TTC7B: variants seen among roughly 807,000 people sequenced by gnomAD.
TTC7B encodes tetratricopeptide repeat domain 7B.
A neutral mutation model predicts 106.8 loss-of-function variants in TTC7B; 28 were observed. The ratio of observed to expected loss-of-function variants is 0.26; its 90% confidence interval spans 0.19 to 0.36. The LOEUF is 0.36. Among genes scored for constraint, TTC7B ranks in the 10% least tolerant of loss-of-function variants. TTC7B has a pLI of 1.00. For synonymous variants in TTC7B, 405 were observed against 430.6 expected, an observed-to-expected ratio of 0.94 and a Z score of 0.74; for missense variants, 862 against 1,076.4, an observed-to-expected ratio of 0.80 and a Z score of 2.79.
At chr14:90,711,403 A>G (rs1037078467) in intron 5 of TTC7B, among the ~76,000 whole-genome samples, 2 of 152,192 alleles carry the variant, frequency 1.3e-5, no homozygotes, top group African/African-American at 4.8e-5. Context: ...AAAGATATAT[A>G]TTATAATCCA....
At chr14:90,682,645 C>CAGGTG (rs1887099693) in intron 7 of TTC7B, among the ~76,000 whole-genome samples, 1 of 152,148 alleles carries the variant, frequency 6.6e-6, no homozygotes, top group African/African-American at 2.4e-5. Flanking sequence ...CTGGGGTACC[C>CAGGTG]AGGCCTCAGC....
chr14:90,646,342 G>A (rs774530193), intron 14 of TTC7B, among the ~76,000 whole-genome samples: 4 of 152,204 alleles, frequency 2.6e-5, no homozygotes, highest in Non-Finnish European at 4.4e-5. Flanking sequence ...GGAGGGTTTC[G>A]GGAATGGCAG....
chr14:90,802,453 C>G lies in TTC7B; in HGVS notation c.121+13722G>C, dbSNP rs1373980838. Among the ~76,000 whole-genome samples the G allele has an allele frequency of 7.7e-6, 1 of 129,774 alleles. No individual in the cohort carries two copies. Among genetic ancestry groups the G allele is most frequent in the Non-Finnish European group, 1.7e-5 (1 of 59,302 alleles). The allele number at this position is 129,774 out of a possible 152,430, so 85.1% of individuals were successfully genotyped here. The stretch of plus-strand genomic sequence containing the variant: ...CGCTGGCCTCTGAAGGGAGTGAGGG[C>G]TCCAAGCAGTGACAGAGGGCGCCAG... On this transcript the variant is annotated intron_variant, in intron 1 of 19. Coordinates refer to ENST00000328459, the MANE Select transcript of TTC7B (RefSeq NM_001010854.2). This position sits in a 1 kb window ranked among gnomAD's most constrained non-coding sequence, Gnocchi z 4.7.
Position 90,652,954 on chromosome 14 carries a change from T to C in TTC7B, c.1460-56A>G. The C allele has an allele frequency of 1.0e-5, 16 of 1,574,404 alleles. No homozygotes were observed. The South Asian group carries it at 1.1e-4, about 11-fold the overall frequency. ...TGGGGGATCAGGGAATTTTGACAAA[T>C]ACAAAACCCATCACAAAACCTGTAC... On this transcript the variant is annotated intron_variant, in intron 12 of 19. Transcript: ENST00000328459.
At position 90,600,291 on chromosome 14, in the gene TTC7B, A is replaced by G. The variant is rs1213162180; in HGVS notation, c.1967-6665T>C. ...TCCTGCTTTCTGAGGAGGCGACTCC[A>G]GGTGGTGGCTCCTTGCACCGCGCTG... On this transcript the variant is annotated intron_variant, in intron 17 of 19. Transcript: ENST00000328459. The surrounding 1 kb of genome is among the most constrained non-coding windows in gnomAD (Gnocchi z 4.3). Among the ~76,000 whole-genome samples, 1 of 152,154 alleles carries G rather than the reference A, an allele frequency of 6.6e-6. No homozygotes were observed. The highest frequency in any genetic ancestry group is 6.5e-5 in the Admixed American group (1 of 15,272).
In TTC7B at chr14:90,531,059, T is replaced by C. The variant is rs1157388362; in HGVS notation, c.*10309A>G. On this transcript the variant is annotated 3_prime_UTR_variant, in exon 20 of 20. Transcript: ENST00000328459. ...TAAAATGATATAATTTTAATATTAA[T>C]AGCTGAAAATGTAAAGAGTTTTGTA... 1 of 152,194 alleles carries C rather than the reference T, an allele frequency of 6.6e-6. No individual in the cohort carries two copies. The highest frequency in any genetic ancestry group is 1.9e-4 in the East Asian group (1 of 5,206). 9.4% of individuals were successfully genotyped at this position (152,194 alleles called of 1,614,324 possible).
At chr14:90,601,169 G>T (rs1295173211) in intron 17 of TTC7B, among the ~76,000 whole-genome samples, 1 of 152,092 alleles carries the variant, frequency 6.6e-6, no homozygotes, top group African/African-American at 2.4e-5. Context: ...AGCAAAAAAA[G>T]GTTCTATATT....
intron 1 of TTC7B, among the ~76,000 whole-genome samples, chr14:90,794,299 T>A (rs1448083538): frequency 1.4e-5 from 2 of 145,996 alleles, no homozygotes; most frequent in African/African-American, 5.2e-5. Flanking sequence ...CAATCTCGGC[T>A]CACTGCAACC....
At chr14:90,554,937 T>C (rs1240055626) in intron 19 of TTC7B, among the ~76,000 whole-genome samples, 1 of 152,126 alleles carries the variant, frequency 6.6e-6, no homozygotes, top group African/African-American at 2.4e-5. Flanking sequence ...CACATCTGAA[T>C]GATGTGGCGC....
chr14:90,679,806 A>T (rs56391264), intron 8 of TTC7B, among the ~76,000 whole-genome samples: 4,105 of 152,318 alleles, frequency 0.027, 188 homozygotes, highest in African/African-American at 0.091. Context: ...AACCCAATAA[A>T]TGATGAGTGG....
Position 90,644,185 on chromosome 14 carries a change from G to C in TTC7B, c.1614C>G (p.Val538=), listed in dbSNP as rs754292263. Residue 538 remains valine, a synonymous_variant, in exon 15 of 20, where the codon GTC becomes GTG. Coordinates refer to ENST00000328459, the MANE Select transcript of TTC7B (RefSeq NM_001010854.2). ...SRQIPEALGY[V]RQALQLQGDD... is the part of the protein sequence containing the mutation. Reference sequence around the variant, plus strand: ...CACCTTGAAGCTGAAGAGCTTGGCGGACATACCCCAGAGCCTCTGGGATCT... The same window carrying C: ...CACCTTGAAGCTGAAGAGCTTGGCGCACATACCCCAGAGCCTCTGGGATCT... The C allele has an allele frequency of 3.1e-6, 5 of 1,608,080 alleles. No individual in the cohort carries two copies. In the South Asian group the frequency reaches 5.5e-5, roughly 18 times the overall value.
chr14:90,581,904 G>C (rs1286481), intron 18 of TTC7B, among the ~76,000 whole-genome samples: 47,305 of 151,968 alleles, frequency 0.31, 8,809 homozygotes, highest in African/African-American at 0.53. Flanking sequence ...CAGACGGAAC[G>C]AAGTCAGGAT....
rs201597358 is a variant in TTC7B, at chr14:90,643,715, TG to T, written c.1751+332del. On this transcript the variant is annotated intron_variant, in intron 15 of 19. Coordinates refer to ENST00000328459, the MANE Select transcript of TTC7B (RefSeq NM_001010854.2). ...CTCCTCCCTCAGCCTCCCGAGGAGC[TG>T]GGATTACAGGCGCCCGCCACCACAC... 7.3e-4 allele frequency among the ~76,000 whole-genome samples: 111 copies of T among 152,126 alleles called. No homozygotes were observed. In the East Asian group the frequency reaches 0.017, roughly 23 times the overall value.
chr14:90,564,660 C>T (rs1376237583), intron 19 of TTC7B, among the ~76,000 whole-genome samples: 1 of 152,178 alleles, frequency 6.6e-6, no homozygotes, highest in Non-Finnish European at 1.5e-5. Flanking sequence ...GTAATTTCAA[C>T]ACTTTTGAGA....
At chr14:90,573,491 T>G (rs1278045737) in intron 19 of TTC7B, among the ~76,000 whole-genome samples, 5 of 120,752 alleles carry the variant, frequency 4.1e-5, no homozygotes, top group Admixed American at 8.1e-5. Context: ...CGCCTCACGG[T>G]CCCTCTCAGC....
intron 14 of TTC7B, chr14:90,644,818 T>A (rs1885363018): frequency 6.6e-6 from 1 of 152,238 alleles, no homozygotes; most frequent in Non-Finnish European, 1.5e-5. Flanking sequence ...CCCCCACACC[T>A]TTCCAAACTA....
At chr14:90,656,460 T>C (rs2139898364) in intron 11 of TTC7B, among the ~76,000 whole-genome samples, 1 of 152,314 alleles carries the variant, frequency 6.6e-6, no homozygotes, top group East Asian at 1.9e-4. Context: ...AATCAGGGTA[T>C]TGCCAAATTC....
At chr14:90,694,679 T>TTTTATTTTATTATAAAATATAC in intron 6 of TTC7B, among the ~76,000 whole-genome samples, 1 of 135,000 alleles carries the variant, frequency 7.4e-6, no homozygotes, top group Non-Finnish European at 1.6e-5. Flanking sequence ...ATATGTATAT[T>TTTTATTTTATTATAAAATATAC]TTTATTTTAT....
chr14:90,693,279 G>A (rs1242675377), intron 6 of TTC7B, among the ~76,000 whole-genome samples: 1 of 151,844 alleles, frequency 6.6e-6, no homozygotes, highest in Non-Finnish European at 1.5e-5. Flanking sequence ...AGTTATAGAG[G>A]TCTACCTAAT....
Sources: gnomAD v4.1 joint callset for allele counts (sites outside exome capture counted in the v4.1 genomes callset) on GRCh38, gnomAD v4.1.1 for gene constraint, Gnocchi (gnomAD v3.1) non-coding constraint, MANE v1.5 for transcripts, NCBI Gene and HGNC (gene_info 2026-07-23, HGNC 2026-07-21) for gene names.